SDHAF4: variants seen among roughly 807,000 people sequenced by gnomAD.
The protein encoded by SDHAF4 is succinate dehydrogenase complex assembly factor 4, also known as succinate dehydrogenase assembly factor 4, mitochondrial.
Under a neutral mutation model 14.3 loss-of-function variants are expected in SDHAF4, and 14 were observed. That is an observed-to-expected ratio of 0.98 (90% CI 0.65 to 1.53). SDHAF4 has a LOEUF of 1.53. SDHAF4 is among the 40% of genes most tolerant of loss of function. SDHAF4 has a pLI of 0.00. For missense variants in SDHAF4, 141 were observed against 129.3 expected (o/e 1.09, Z -0.44); for synonymous variants, 63 against 47.3 (o/e 1.33, Z -1.36).
At chr6:70,595,006 G>C in the SDHAF4 span, among the ~76,000 whole-genome samples, 8 of 152,054 alleles carry the variant, frequency 5.3e-5, no homozygotes, top group African/African-American at 1.9e-4. Flanking sequence ...TAGGTATAGA[G>C]GGTAAATATG....
chr6:70,577,329 AGGTGTAGCT>A, intron 1 of SDHAF4, among the ~76,000 whole-genome samples: 1 of 152,196 alleles, frequency 6.6e-6, no homozygotes, highest in Admixed American at 6.5e-5. Context: ...TTTGCTACAG[AGGTGTAGCT>A]AGAACTTGTA....
intron 1 of SDHAF4, among the ~76,000 whole-genome samples, chr6:70,578,216 C>T (rs1267821698): frequency 6.6e-6 from 1 of 152,234 alleles, no homozygotes; most frequent in Non-Finnish European, 1.5e-5. Flanking sequence ...TCCCTCTTCT[C>T]TACAGCCTCA....
At chr6:70,574,557 TAA>T (rs1451374411) in intron 1 of SDHAF4, among the ~76,000 whole-genome samples, 1 of 152,194 alleles carries the variant, frequency 6.6e-6, no homozygotes, top group Non-Finnish European at 1.5e-5. Flanking sequence ...GGGAGCTTGT[TAA>T]AAATGCAAGA....
rs574901961 is a variant in SDHAF4, at chr6:70,588,786, C to A, written c.*62C>A. The A allele has an allele frequency of 1.7e-5, 16 of 930,452 alleles. No individual in the cohort carries two copies. The East Asian group carries it at 3.0e-4, about 17-fold the overall frequency. The allele number at this position is 930,452 out of a possible 1,614,324, so 57.6% of individuals were successfully genotyped here. ...TATGTACATCTGAATTAACTTATTT[C>A]TGATTATTTTCTTTCTTTATATCCT... On this transcript the variant is annotated 3_prime_UTR_variant, in exon 3 of 3. Transcript: ENST00000370474.
At chr6:70,595,705 G>A in the SDHAF4 span, among the ~76,000 whole-genome samples, 19 of 151,944 alleles carry the variant, frequency 1.3e-4, no homozygotes, top group South Asian at 8.3e-4. Flanking sequence ...GCGCGGTGGC[G>A]CACGCCCGTA....
At chr6:70,575,039 C>T (rs932757466) in intron 1 of SDHAF4, among the ~76,000 whole-genome samples, 5 of 152,194 alleles carry the variant, frequency 3.3e-5, no homozygotes, top group Non-Finnish European at 7.3e-5. Context: ...AGACTGTCAT[C>T]TCCCTGCTGT....
At chr6:70,577,238 C>G (rs182069233) in intron 1 of SDHAF4, among the ~76,000 whole-genome samples, 308 of 152,270 alleles carry the variant, frequency 2.0e-3, no homozygotes, top group Non-Finnish European at 3.3e-3. Flanking sequence ...CTGTCTGCTA[C>G]CAAAATTCTT....
chr6:70,570,168 A>G (rs1460890831), intron 1 of SDHAF4, among the ~76,000 whole-genome samples: 1 of 151,938 alleles, frequency 6.6e-6, no homozygotes, highest in African/African-American at 2.4e-5. Context: ...AAATCTTACT[A>G]TTTTCTGACT....
chr6:70,572,414 C>A lies in SDHAF4; in HGVS notation c.64+5410C>A, dbSNP rs116486640. On this transcript the variant is annotated intron_variant, in intron 1 of 2. Transcript: ENST00000370474. ...CAGTGTATTGTATACTTGAAAATTG[C>A]TGAAAGTAGATTTTAAATTTTCTCA... Among the ~76,000 whole-genome samples, 281 of 152,080 alleles carry A rather than the reference C, an allele frequency of 1.8e-3. 1 individual carries two copies. Among genetic ancestry groups the A allele is most frequent in the African/African-American group, 6.6e-3 (272 of 41,470 alleles).
intron 1 of SDHAF4, among the ~76,000 whole-genome samples, chr6:70,575,711 G>GTA (rs1338564971): frequency 1.6e-4 from 21 of 132,718 alleles, no homozygotes; most frequent in Admixed American, 1.2e-3. Flanking sequence ...TTTTGTATAT[G>GTA]TGTGTGTGTG....
At chr6:70,570,590 G>A (rs955390539) in intron 1 of SDHAF4, among the ~76,000 whole-genome samples, 5 of 148,652 alleles carry the variant, frequency 3.4e-5, no homozygotes, top group Admixed American at 1.3e-4. Context: ...GAGAGCCACC[G>A]TGCCCCCCAC....
chr6:70,578,543 T>G (rs1802284663), intron 1 of SDHAF4, among the ~76,000 whole-genome samples: 1 of 152,218 alleles, frequency 6.6e-6, no homozygotes, highest in Admixed American at 6.5e-5. Context: ...CTGTTGAGCG[T>G]TTCTTTTGCT....
intron 1 of SDHAF4, among the ~76,000 whole-genome samples, chr6:70,573,241 T>A (rs1802207557): frequency 6.6e-6 from 1 of 151,448 alleles, no homozygotes; most frequent in African/African-American, 2.4e-5. Context: ...CTCTTTTCAA[T>A]TGTATTTATT....
chr6:70,583,770 C>T (rs561296510), intron 2 of SDHAF4, among the ~76,000 whole-genome samples: 3 of 152,278 alleles, frequency 2.0e-5, no homozygotes, highest in Middle Eastern at 6.8e-3. Flanking sequence ...CATTCAAAGC[C>T]ATCCTGGGCC....
intron 1 of SDHAF4, among the ~76,000 whole-genome samples, chr6:70,570,873 C>T (rs1056563591): frequency 6.6e-6 from 1 of 151,608 alleles, no homozygotes; most frequent in Non-Finnish European, 1.5e-5. Context: ...TAATTCTGTT[C>T]TTTTAAACCA....
chr6:70,574,800 T>TG (rs1308303078), intron 1 of SDHAF4, among the ~76,000 whole-genome samples: 1 of 152,080 alleles, frequency 6.6e-6, no homozygotes, highest in Admixed American at 6.6e-5. Flanking sequence ...TGGTGTTGTG[T>TG]GGCTGTAGTC....
intron 2 of SDHAF4, among the ~76,000 whole-genome samples, chr6:70,585,831 T>TAGA (rs33997647): frequency 0.39 from 59,233 of 151,878 alleles, 12,014 homozygotes; most frequent in Middle Eastern, 0.49. Context: ...TTCTTTTGCC[T>TAGA]GAGGGGCTTT....
intron 1 of SDHAF4, among the ~76,000 whole-genome samples, chr6:70,574,518 T>C (rs753239776): frequency 7.2e-5 from 11 of 152,206 alleles, no homozygotes; most frequent in Admixed American, 6.5e-4. Context: ...AGTTCCTTGC[T>C]ATTTGGAACA....
At chr6:70,567,800 C>A (rs1012118265) in intron 1 of SDHAF4, 3 of 152,256 alleles carry the variant, frequency 2.0e-5, no homozygotes, top group African/African-American at 7.2e-5. Flanking sequence ...ATTCTCCTGC[C>A]TCAGCCTCCT....
Sources: allele counts gnomAD v4.1 joint callset (sites outside exome capture counted in the v4.1 genomes callset), GRCh38; gene constraint gnomAD v4.1.1; transcripts MANE v1.5; gene names NCBI Gene and HGNC (gene_info 2026-07-23, HGNC 2026-07-21).